LYRM4: variants seen among roughly 807,000 people sequenced by gnomAD.
The protein encoded by LYRM4 is LYR motif containing 4.
In LYRM4, 9 loss-of-function variants were observed where a neutral mutation model predicts 11.7. That is an observed-to-expected ratio of 0.77 (90% CI 0.46 to 1.34). The LOEUF (loss-of-function observed/expected upper bound fraction) is 1.34. LYRM4 is among the 40% of genes most tolerant of loss of function. The probability of loss-of-function intolerance (pLI) is 0.00; values close to 1 mark genes in which losing one functional copy is unlikely to be tolerated. For synonymous variants in LYRM4, 42 were observed against 40.4 expected, an observed-to-expected ratio of 1.04 and a Z score of -0.15; for missense variants, 133 against 112.5, an observed-to-expected ratio of 1.18 and a Z score of -0.82.
chr6:5,046,152 CT>C, the LYRM4 span, among the ~76,000 whole-genome samples: 2,629 of 146,618 alleles, frequency 0.018, 85 homozygotes, highest in African/African-American at 0.06. Flanking sequence ...TAATATTCCA[CT>C]TTTTTTTTTT....
At chr6:5,158,756 A>G (rs1758568504) in intron 2 of LYRM4, among the ~76,000 whole-genome samples, 1 of 152,098 alleles carries the variant, frequency 6.6e-6, no homozygotes. Context: ...TAGAGGTGTG[A>G]GCCACCATGC....
chr6:5,162,424 G>A (rs1393597321), intron 2 of LYRM4, among the ~76,000 whole-genome samples: 1 of 151,876 alleles, frequency 6.6e-6, no homozygotes, highest in African/African-American at 2.4e-5. Flanking sequence ...ACTGACCCTC[G>A]ACAGTGAGCC....
At chr6:5,118,079 A>AACATATATAT (rs1554126819) in intron 2 of LYRM4, among the ~76,000 whole-genome samples, 1 of 40,362 alleles carries the variant, frequency 2.5e-5, no homozygotes, top group Non-Finnish European at 5.8e-5. Flanking sequence ...TCACCAAAAC[A>AACATATATAT]ATATATATAT....
the LYRM4 span, chr6:5,086,298 G>C: frequency 6.5e-7 from 1 of 1,535,600 alleles, no homozygotes; most frequent in Middle Eastern, 1.7e-4. Flanking sequence ...AGCCCGAGCC[G>C]CTGGAGCCAC....
At chr6:5,152,274 G>T (rs551534535) in intron 2 of LYRM4, among the ~76,000 whole-genome samples, 14 of 152,270 alleles carry the variant, frequency 9.2e-5, no homozygotes, top group Admixed American at 8.5e-4. Flanking sequence ...CTGCCAAGCT[G>T]CTTCCCTGAT....
At chr6:5,192,226 A>T in intron 2 of LYRM4, among the ~76,000 whole-genome samples, 1 of 152,120 alleles carries the variant, frequency 6.6e-6, no homozygotes, top group East Asian at 1.9e-4. Context: ...TGTGAATGAC[A>T]TTTAAAGTGC....
chr6:5,171,513 G>A (rs537860153), intron 2 of LYRM4, among the ~76,000 whole-genome samples: 1 of 152,336 alleles, frequency 6.6e-6, no homozygotes, highest in East Asian at 1.9e-4. Context: ...TGTGTTAGGG[G>A]AAGTGGTGGG....
At chr6:5,182,251 T>C (rs1210085587) in intron 2 of LYRM4, among the ~76,000 whole-genome samples, 1 of 152,212 alleles carries the variant, frequency 6.6e-6, no homozygotes, top group African/African-American at 2.4e-5. Context: ...AAGAATGAGA[T>C]TTGAATTAAA....
intron 1 of LYRM4, among the ~76,000 whole-genome samples, chr6:5,226,722 A>T (rs2127737007): frequency 6.6e-6 from 1 of 152,330 alleles, no homozygotes; most frequent in Middle Eastern, 3.4e-3. Flanking sequence ...GATATTCGGG[A>T]TGATCTCAAT....
intron 2 of LYRM4, among the ~76,000 whole-genome samples, chr6:5,205,468 C>T (rs964615247): frequency 2.7e-4 from 40 of 150,316 alleles, no homozygotes; most frequent in African/African-American, 9.5e-4. Context: ...CAGAAATAGA[C>T]AGGAGCAAGC....
chr6:5,086,549 C>T, the LYRM4 span: 3 of 1,523,952 alleles, frequency 2.0e-6, no homozygotes, highest in African/African-American at 1.4e-5. Context: ...GCGCGCCCTG[C>T]GGACGCGCTC....
chr6:5,110,493 C>T (rs935268329), intron 2 of LYRM4, among the ~76,000 whole-genome samples: 4 of 152,202 alleles, frequency 2.6e-5, no homozygotes, highest in South Asian at 2.1e-4. Flanking sequence ...GCCATTTGCT[C>T]GGTCTTCAGT....
At chr6:5,118,298 G>A (rs1241715705) in intron 2 of LYRM4, among the ~76,000 whole-genome samples, 1 of 151,822 alleles carries the variant, frequency 6.6e-6, no homozygotes, top group Admixed American at 6.6e-5. Context: ...TGTATTTTTA[G>A]TACAGATGGG....
At chr6:5,038,702 A>G in the LYRM4 span, among the ~76,000 whole-genome samples, 2 of 59,918 alleles carry the variant, frequency 3.3e-5, 1 homozygote, top group South Asian at 1.4e-3. Flanking sequence ...CGGCCAACAC[A>G]GCAAAACCCC....
At chr6:5,206,224 G>A (rs983207444) in intron 2 of LYRM4, among the ~76,000 whole-genome samples, 2 of 152,208 alleles carry the variant, frequency 1.3e-5, no homozygotes, top group East Asian at 1.9e-4. Context: ...AAAATGTCAG[G>A]CATGAAAGGG....
At chr6:5,098,764 C>T (rs558319149), downstream of LYRM4, among the ~76,000 whole-genome samples, 1 of 152,322 alleles carries the variant, frequency 6.6e-6, no homozygotes, top group South Asian at 2.1e-4. Flanking sequence ...GGGCAGAACC[C>T]CTGGTGTTCT....
At chr6:5,175,579 A>AT (rs1212142625) in intron 2 of LYRM4, among the ~76,000 whole-genome samples, 1 of 152,184 alleles carries the variant, frequency 6.6e-6, no homozygotes, top group Non-Finnish European at 1.5e-5. Context: ...GGCCAGTGGA[A>AT]TACTAAGGAG....
the LYRM4 span, among the ~76,000 whole-genome samples, chr6:5,069,436 A>T: frequency 6.7e-6 from 1 of 150,228 alleles, no homozygotes; most frequent in African/African-American, 2.4e-5. Context: ...TCCACAATAC[A>T]TATATCATCA....
intron 1 of LYRM4, among the ~76,000 whole-genome samples, chr6:5,253,884 G>A (rs373906398): frequency 6.6e-6 from 1 of 151,328 alleles, no homozygotes. Flanking sequence ...CTTATTCCAT[G>A]CAACAATGAA....
Sources: gnomAD v4.1 joint callset for allele counts (sites outside exome capture counted in the v4.1 genomes callset) on GRCh38, gnomAD v4.1.1 for gene constraint, MANE v1.5 for transcripts, NCBI Gene and HGNC (gene_info 2026-07-23, HGNC 2026-07-21) for gene names.